The following ACTN4 variants were observed in gnomAD, a reference collection of about 807,000 sequenced individuals.
ACTN4 encodes the protein alpha-actinin-4.
A neutral mutation model predicts 114.2 loss-of-function variants in ACTN4; 18 were observed. The observed-to-expected ratio is 0.16, with a 90% confidence interval of 0.11 to 0.23. The LOEUF is 0.23. ACTN4 is among the 10% of genes least tolerant of loss of function. ACTN4 has a pLI of 1.00. For missense variants in ACTN4, 722 were observed against 1,262.9 expected (o/e 0.57, Z 6.49); for synonymous variants, 515 against 506.3 (o/e 1.02, Z -0.23).
chr19:38,690,443 A>G (rs1182291095), intron 1 of ACTN4, among the ~76,000 whole-genome samples: 1 of 152,186 alleles, frequency 6.6e-6, no homozygotes, highest in Non-Finnish European at 1.5e-5. Flanking sequence ...AATCGAGCTA[A>G]ACACTAGTCG....
intron 8 of ACTN4, among the ~76,000 whole-genome samples, chr19:38,712,661 A>C: frequency 6.6e-6 from 1 of 151,354 alleles, no homozygotes; most frequent in Non-Finnish European, 1.5e-5. Context: ...CCTGACCCAC[A>C]CTCCCGCGGG....
chr19:38,722,388 T>G (rs1412476571), intron 12 of ACTN4, among the ~76,000 whole-genome samples: 3 of 151,986 alleles, frequency 2.0e-5, no homozygotes, highest in Non-Finnish European at 4.4e-5. Context: ...CTATAACTGC[T>G]CTTTCCACCG....
chr19:38,664,662 C>T (rs144883950), intron 1 of ACTN4, among the ~76,000 whole-genome samples: 5 of 152,110 alleles, frequency 3.3e-5, no homozygotes, highest in African/African-American at 4.8e-5. Context: ...AGCCTGGGCA[C>T]GGGAGCACTG....
At chr19:38,685,091 A>G (rs1019533911) in intron 1 of ACTN4, among the ~76,000 whole-genome samples, 1 of 152,128 alleles carries the variant, frequency 6.6e-6, no homozygotes, top group Non-Finnish European at 1.5e-5. Context: ...GATTACAGGC[A>G]CATGCCACCA....
chr19:38,699,279 A>C (rs1374027024), intron 1 of ACTN4, among the ~76,000 whole-genome samples: 1 of 152,170 alleles, frequency 6.6e-6, no homozygotes, highest in Non-Finnish European at 1.5e-5. Context: ...GGGTGTACCC[A>C]TGCCCTGTCA....
intron 12 of ACTN4, among the ~76,000 whole-genome samples, chr19:38,722,666 C>CA (rs1969086695): frequency 6.6e-6 from 1 of 152,224 alleles, no homozygotes; most frequent in Admixed American, 6.5e-5. Flanking sequence ...CCACCACGTC[C>CA]AGGCCAAGGA....
chr19:38,680,080 C>T (rs1967507466), intron 1 of ACTN4, among the ~76,000 whole-genome samples: 1 of 152,128 alleles, frequency 6.6e-6, no homozygotes, highest in African/African-American at 2.4e-5. Context: ...CTGACTCACT[C>T]ACCACGCTCT....
At chr19:38,709,565 A>C (rs374437840) in intron 7 of ACTN4, 89 bp downstream of exon 7, 10 of 1,183,930 alleles carry the variant, frequency 8.4e-6, no homozygotes, top group Admixed American at 3.5e-5. Flanking sequence ...CTGTGGGCAC[A>C]TCAGAGCTTT....
Position 38,700,689 on chromosome 19 carries a change from C to G in ACTN4, c.252C>G (p.Leu84=). The G allele has an allele frequency of 1.2e-6, 2 of 1,614,086 alleles. No individual in the cohort carries two copies. Among genetic ancestry groups the G allele is most frequent in the Non-Finnish European group, 1.7e-6 (2 of 1,179,978 alleles). Reference sequence around the variant, plus strand: ...AGGACTTCCGAGACGGGCTCAAGCTCATGCTGCTCCTGGAGGTCATATCAG... The same window carrying G: ...AGGACTTCCGAGACGGGCTCAAGCTGATGCTGCTCCTGGAGGTCATATCAG... ...IDEDFRDGLK[L]MLLLEVISGE... is the part of the protein sequence containing the mutation. The change falls in exon 2 of 21, where the codon CTC becomes CTG. Residue 84 remains leucine, a synonymous_variant. Transcript: ENST00000252699.
intron 9 of ACTN4, among the ~76,000 whole-genome samples, chr19:38,714,881 C>T (rs979225980): frequency 1.3e-5 from 2 of 152,244 alleles, no homozygotes; most frequent in African/African-American, 2.4e-5. Flanking sequence ...GAAAGCCCCT[C>T]TTCCCGTGCC....
chr19:38,681,333 C>T (rs551597246), intron 1 of ACTN4, among the ~76,000 whole-genome samples: 14 of 152,072 alleles, frequency 9.2e-5, no homozygotes, highest in African/African-American at 3.4e-4. Flanking sequence ...TCTCCAGTCT[C>T]CTGGTTTGGA....
At chr19:38,718,316 C>T (rs1271621455) in intron 11 of ACTN4, 2 of 718,496 alleles carry the variant, frequency 2.8e-6, no homozygotes, top group Non-Finnish European at 4.8e-6. Flanking sequence ...CACTTGAGCC[C>T]AAGAGTTTGA....
Position 38,731,138 on chromosome 19 carries a change from C to A in ACTN4, c.*1706C>A. On this transcript the variant is annotated 3_prime_UTR_variant, in exon 21 of 21. Coordinates refer to ENST00000252699, the MANE Select transcript of ACTN4 (RefSeq NM_004924.6). ...TGCAGGTGAGGTGGGCCACACAGGA[C>A]ACGAACCGCTCGAAGTCCACACGCA... 6.2e-7 allele frequency: 1 copy of A among 1,612,872 alleles called. No individual in the cohort carries two copies. The highest frequency in any genetic ancestry group is 1.7e-4 in the Middle Eastern group (1 of 6,048).
chr19:38,714,716 C>T (rs1297817379), intron 9 of ACTN4, among the ~76,000 whole-genome samples, 155 bp downstream of exon 9: 2 of 152,214 alleles, frequency 1.3e-5, no homozygotes, highest in Non-Finnish European at 1.5e-5. Flanking sequence ...GGTGTGTACA[C>T]GACCTCTCCG....
At chr19:38,718,143 C>T in intron 11 of ACTN4, 69 bp downstream of exon 11, 1 of 1,555,610 alleles carries the variant, frequency 6.4e-7, no homozygotes, top group Non-Finnish European at 8.7e-7. Flanking sequence ...CTCAGGCATG[C>T]ATGGGTGTGC....
At chr19:38,703,412 G>A (rs1968349618) in intron 3 of ACTN4, among the ~76,000 whole-genome samples, 1 of 151,850 alleles carries the variant, frequency 6.6e-6, no homozygotes, top group African/African-American at 2.4e-5. Context: ...CTAATTTTGT[G>A]TTTTTAGTAG....
rs745689778 is a variant in ACTN4 at position 38,727,143 on chromosome 19, C to T, written c.2337+40C>T. 1.6e-5 allele frequency: 26 copies of T among 1,612,900 alleles called. No homozygotes were observed. Among genetic ancestry groups the T allele is most frequent in the Non-Finnish European group, 2.0e-5 (24 of 1,179,744 alleles). On this transcript the variant is annotated intron_variant, in intron 18 of 20. Coordinates refer to ENST00000252699, the MANE Select transcript of ACTN4 (RefSeq NM_004924.6). The surrounding 1 kb of genome is among the most constrained non-coding windows in gnomAD (Gnocchi z 5.4). Reference sequence around the variant, plus strand: ...ACCTCCTCGGCCTCTCCCCTCCCGCCGTTGCCGTACCAGCCCACACCTTCG... The same window carrying T: ...ACCTCCTCGGCCTCTCCCCTCCCGCTGTTGCCGTACCAGCCCACACCTTCG...
chr19:38,728,066 GCT>G (rs148995680), intron 19 of ACTN4, 40 bp downstream of exon 19: 4,100 of 1,430,224 alleles, frequency 2.9e-3, no homozygotes, highest in Non-Finnish European at 3.4e-3. Flanking sequence ...GGCATTAACT[GCT>G]CTCTCTCTCT....
intron 11 of ACTN4, among the ~76,000 whole-genome samples, chr19:38,719,073 C>T (rs972242963): frequency 6.6e-6 from 1 of 152,254 alleles, no homozygotes. Context: ...TTTCTGTTCT[C>T]GGCAGCCCTG....
Sources: allele counts gnomAD v4.1 joint callset (sites outside exome capture counted in the v4.1 genomes callset), GRCh38; gene constraint gnomAD v4.1.1; non-coding constraint Gnocchi (gnomAD v3.1); transcripts MANE v1.5; gene names NCBI Gene and HGNC (gene_info 2026-07-23, HGNC 2026-07-21).